The following HHAT variants were observed in gnomAD, a reference collection of about 807,000 sequenced individuals.
HHAT encodes protein-cysteine N-palmitoyltransferase HHAT.
A neutral mutation model predicts 70.8 loss-of-function variants in HHAT; 47 were observed. The ratio of observed to expected loss-of-function variants is 0.66; its 90% CI spans 0.53 to 0.85. The LOEUF is 0.85. Ranked by LOEUF, HHAT falls within the 40% of genes least tolerant of loss-of-function variation. HHAT has a pLI of 0.00. For missense variants in HHAT, 609 were observed against 604.8 expected, an observed-to-expected ratio of 1.01 and a Z score of -0.07; for synonymous variants, 228 against 247.6, an observed-to-expected ratio of 0.92 and a Z score of 0.74.
intron 6 of HHAT, among the ~76,000 whole-genome samples, chr1:210,410,085 C>T (rs924692549): frequency 4.0e-5 from 6 of 151,286 alleles, no homozygotes; most frequent in Non-Finnish European, 8.8e-5. Flanking sequence ...CAGAGTCTGG[C>T]TCTGTCGCCC....
Position 210,674,399 on chromosome 1 carries a change from G to GCAACAAGGAC in HHAT, c.*20_*21insCAACAAGGAC. The stretch of plus-strand genomic sequence containing the variant: ...GACTAATGCTGTTGGGCCCAGGCCA[G>GCAACAAGGAC]TCCTTGTTGCTGGCCTCCAAGGCAA... On this transcript the variant is annotated 3_prime_UTR_variant, in exon 12 of 12. Coordinates refer to ENST00000261458, the MANE Select transcript of HHAT (RefSeq NM_018194.6). 1 of 1,602,686 alleles carries GCAACAAGGAC rather than the reference G, an allele frequency of 6.2e-7. No homozygotes were observed. Among genetic ancestry groups the GCAACAAGGAC allele is most frequent in the Non-Finnish European group, 8.5e-7 (1 of 1,170,102 alleles).
intron 10 of HHAT, among the ~76,000 whole-genome samples, chr1:210,603,163 A>C (rs1028115418): frequency 7.9e-5 from 12 of 152,178 alleles, no homozygotes; most frequent in African/African-American, 2.7e-4. Flanking sequence ...GTCCTGCTCC[A>C]ATCATCGGCT....
chr1:210,381,886 G>T (rs2090667278), intron 3 of HHAT, among the ~76,000 whole-genome samples: 1 of 152,220 alleles, frequency 6.6e-6, no homozygotes, highest in Admixed American at 6.5e-5. Context: ...GGGCGTCTCG[G>T]TGAGTGCCTT....
At chr1:210,600,358 A>C (rs1663960425) in intron 10 of HHAT, among the ~76,000 whole-genome samples, 1 of 152,208 alleles carries the variant, frequency 6.6e-6, no homozygotes. Context: ...CAACATGAAG[A>C]ATATAGATTG....
chr1:210,476,840 T>C (rs2094313571), intron 8 of HHAT, among the ~76,000 whole-genome samples: 2 of 152,184 alleles, frequency 1.3e-5, no homozygotes, highest in South Asian at 4.1e-4. Context: ...CTAAAACCCA[T>C]GGAATCAGAA....
intron 7 of HHAT, among the ~76,000 whole-genome samples, chr1:210,423,694 A>G (rs1423859189): frequency 2.6e-5 from 4 of 152,274 alleles, no homozygotes; most frequent in South Asian, 2.1e-4. Flanking sequence ...TCAGGTATAC[A>G]CATAGGTCTT....
intron 9 of HHAT, among the ~76,000 whole-genome samples, chr1:210,562,894 G>C (rs1450488226): frequency 6.9e-6 from 1 of 145,832 alleles, no homozygotes; most frequent in East Asian, 2.1e-4. Context: ...CTATGAGTGA[G>C]AACATGCGGT....
At chr1:210,603,986 CTG>C (rs1479703271) in intron 10 of HHAT, among the ~76,000 whole-genome samples, 2 of 152,184 alleles carry the variant, frequency 1.3e-5, no homozygotes, top group Non-Finnish European at 2.9e-5. Context: ...CAGACACTGA[CTG>C]TCTGCGGAAG....
At chr1:210,522,772 C>T (rs1558083847) in intron 9 of HHAT, among the ~76,000 whole-genome samples, 1 of 152,000 alleles carries the variant, frequency 6.6e-6, no homozygotes, top group African/African-American at 2.4e-5. Context: ...GCCCCCCACC[C>T]CCCAATCCCA....
chr1:210,353,454 TAA>T (rs370676908), intron 2 of HHAT, among the ~76,000 whole-genome samples: 1 of 54,272 alleles, frequency 1.8e-5, no homozygotes. Flanking sequence ...TTTTTTTTTT[TAA>T]AAAAAAGCAC....
intron 11 of HHAT, among the ~76,000 whole-genome samples, chr1:210,636,369 G>A (rs1027974315): frequency 1.3e-5 from 2 of 152,146 alleles, no homozygotes; most frequent in African/African-American, 4.8e-5. Context: ...GGATGATTAT[G>A]ATTATTTTCT....
chr1:210,626,577 C>T (rs368004754), intron 11 of HHAT, among the ~76,000 whole-genome samples: 9 of 152,132 alleles, frequency 5.9e-5, no homozygotes, highest in Admixed American at 2.0e-4. Flanking sequence ...GTTGCCGCTT[C>T]GTCTATTCCT....
chr1:210,437,423 C>T (rs1264834346), intron 7 of HHAT, among the ~76,000 whole-genome samples: 1 of 151,812 alleles, frequency 6.6e-6, no homozygotes, highest in Non-Finnish European at 1.5e-5. Flanking sequence ...AGGGACGACT[C>T]TCTGGCCCCT....
At chr1:210,419,625 T>A (rs1363771651) in intron 7 of HHAT, among the ~76,000 whole-genome samples, 1 of 152,236 alleles carries the variant, frequency 6.6e-6, no homozygotes, top group African/African-American at 2.4e-5. Flanking sequence ...ATTTCATAGA[T>A]CTTCTTAAAC....
intron 11 of HHAT, among the ~76,000 whole-genome samples, chr1:210,645,359 G>A (rs1361258129): frequency 3.3e-5 from 5 of 152,124 alleles, no homozygotes; most frequent in Non-Finnish European, 7.4e-5. Context: ...CTCACTGCAA[G>A]CTCTGCCCCC....
intron 2 of HHAT, among the ~76,000 whole-genome samples, chr1:210,356,933 G>T (rs1360222695): frequency 2.6e-5 from 4 of 152,204 alleles, no homozygotes; most frequent in Non-Finnish European, 5.9e-5. Context: ...GGGCCCTTCA[G>T]TTTACAAGGC....
chr1:210,418,531 G>C (rs2092795581), intron 7 of HHAT, among the ~76,000 whole-genome samples: 1 of 152,188 alleles, frequency 6.6e-6, no homozygotes, highest in Non-Finnish European at 1.5e-5. Flanking sequence ...GGCTGTGCTT[G>C]TAGTCTGGGG....
intron 3 of HHAT, among the ~76,000 whole-genome samples, chr1:210,375,259 C>T (rs141022893): frequency 2.7e-3 from 403 of 151,656 alleles, no homozygotes; most frequent in African/African-American, 9.2e-3. Context: ...CCTGAAAAAC[C>T]ACAATGCTTT....
chr1:210,615,427 T>C (rs1258426430), intron 10 of HHAT, among the ~76,000 whole-genome samples: 1 of 152,236 alleles, frequency 6.6e-6, no homozygotes, highest in Non-Finnish European at 1.5e-5. Context: ...TGAAGCCTTC[T>C]TCTCTCAACT....
Sources: gnomAD v4.1 joint callset for allele counts (sites outside exome capture counted in the v4.1 genomes callset) on GRCh38, gnomAD v4.1.1 for gene constraint, MANE v1.5 for transcripts, NCBI Gene and HGNC (gene_info 2026-07-23, HGNC 2026-07-21) for gene names.